PSME4: variants seen among roughly 807,000 people sequenced by gnomAD.
PSME4 encodes the protein proteasome activator complex subunit 4.
Under a neutral mutation model 253.9 loss-of-function variants are expected in PSME4, and 89 were observed. The ratio of observed to expected loss-of-function variants is 0.35; its 90% CI spans 0.30 to 0.42. PSME4 has a LOEUF of 0.42. Ranked by LOEUF, PSME4 falls within the 10% of genes least tolerant of loss-of-function variation. PSME4 has a pLI of 1.00. For missense variants in PSME4, 2,014 were observed against 2,195.2 expected (o/e 0.92, Z 1.65); for synonymous variants, 851 against 759.2 (o/e 1.12, Z -1.99).
Position 53,970,867 on chromosome 2 carries a change from T to C in PSME4, c.-83A>G. On this transcript the variant is annotated 5_prime_UTR_variant, in exon 1 of 47. Coordinates refer to ENST00000404125, the MANE Select transcript of PSME4 (RefSeq NM_014614.3). ...CTCTCCGGGCTCCGCCTCCTCCGCG[T>C]CTTCGTCGCCCTGCGGCCGCTGGCG... 1 of 1,210,874 alleles carries C rather than the reference T, an allele frequency of 8.3e-7. No individual in the cohort carries two copies. The highest frequency in any genetic ancestry group is 1.1e-6 in the Non-Finnish European group (1 of 923,604). The allele number at this position is 1,210,874 out of a possible 1,614,324, so 75.0% of individuals were successfully genotyped here. A position where few individuals can be genotyped will look rare whatever the true frequency, so the allele number is the denominator to read the frequency against.
At chr2:53,941,800 T>C (rs1204150850) in intron 3 of PSME4, among the ~76,000 whole-genome samples, 3 of 152,168 alleles carry the variant, frequency 2.0e-5, no homozygotes, top group Admixed American at 1.3e-4. Flanking sequence ...GTACTAATGC[T>C]TGTGTTCTCA....
intron 35 of PSME4, among the ~76,000 whole-genome samples, chr2:53,893,407 G>A (rs1015766423): frequency 6.6e-6 from 1 of 152,020 alleles, no homozygotes; most frequent in Non-Finnish European, 1.5e-5. Flanking sequence ...ACATCCTCCT[G>A]TATATTTTAA....
intron 3 of PSME4, among the ~76,000 whole-genome samples, chr2:53,942,481 T>C (rs1375405608): frequency 6.6e-6 from 1 of 152,042 alleles, no homozygotes; most frequent in African/African-American, 2.4e-5. Flanking sequence ...AAAGCCACAG[T>C]AGTGCATATA....
In PSME4 at chr2:53,895,054, C is replaced by T. The variant is rs1680081068; in HGVS notation, c.3865G>A (p.Val1289Met). Residue 1289 changes from valine to methionine, a missense_variant, in exon 34 of 47, where the codon GTG becomes ATG. Val to Met is a conservative substitution (Grantham distance 21). Around this residue, in one of 4 missense-constraint regions of PSME4, gnomAD observed 989 missense variants for 1,021.1 expected, o/e 0.97. Coordinates refer to ENST00000404125, the MANE Select transcript of PSME4 (RefSeq NM_014614.3). ...WPKNMVVYAG[V>M]EEQPKLGRSR... is the part of the protein sequence containing the mutation. ...CTGCCAAGCTTAGGCTGCTCTTCCA[C>T]ACCAGCATAAACAACCATATTCCTA... 2 of 1,612,472 alleles carry T rather than the reference C, an allele frequency of 1.2e-6. No homozygotes were observed. Among genetic ancestry groups the T allele is most frequent in the Non-Finnish European group, 1.7e-6 (2 of 1,179,640 alleles).
At chr2:53,949,427 T>C in intron 1 of PSME4, 144 bp from the exon 2 acceptor site, 1 of 449,214 alleles carries the variant, frequency 2.2e-6, no homozygotes, top group Admixed American at 4.2e-5. Flanking sequence ...ATGTGGCATA[T>C]ACAACACAAT....
intron 41 of PSME4, among the ~76,000 whole-genome samples, chr2:53,877,248 A>G (rs948231498): frequency 8.0e-5 from 8 of 100,606 alleles, no homozygotes; most frequent in African/African-American, 4.1e-4. Context: ...CTGCCTCTAC[A>G]AAAAAAAAAA....
chr2:53,944,213 C>G (rs1371172752), intron 3 of PSME4, among the ~76,000 whole-genome samples: 1 of 151,866 alleles, frequency 6.6e-6, no homozygotes, highest in Non-Finnish European at 1.5e-5. Context: ...GGCTGGAGTG[C>G]AGTGGGATGA....
At chr2:53,909,779 C>A (rs1012044446) in intron 21 of PSME4, among the ~76,000 whole-genome samples, 1 of 152,012 alleles carries the variant, frequency 6.6e-6, no homozygotes, top group Non-Finnish European at 1.5e-5. Context: ...CTGGCCACCA[C>A]GGTGAAACTC....
At chr2:53,955,996 G>A (rs925752493) in intron 1 of PSME4, among the ~76,000 whole-genome samples, 1 of 151,916 alleles carries the variant, frequency 6.6e-6, no homozygotes, top group Non-Finnish European at 1.5e-5. Context: ...CAGGTACAGT[G>A]GCTCACGCCT....
rs764769140 is a variant in PSME4 at position 53,923,403 on chromosome 2, A to G, written c.1826T>C (p.Val609Ala). The change falls in exon 15 of 47, where the codon GTT (valine) becomes GCT (alanine). Residue 609 changes from valine to alanine, a missense_variant. By Grantham distance (64) the Val-to-Ala change is moderately conservative. Around this residue, in one of 4 missense-constraint regions of PSME4, gnomAD observed 989 missense variants for 1,021.1 expected, o/e 0.97. Transcript: ENST00000404125. ...TATATGTGAAGTAGAAAAATTAAAA[A>G]CCTTCTGAAGGGCCACCTGTTAAGA... ...KEIFMVALQKVFNFSTSHIFE... is the reference protein window; with the variant it reads ...KEIFMVALQKAFNFSTSHIFE... The G allele has an allele frequency of 1.2e-6, 2 of 1,606,322 alleles. No homozygotes were observed. The highest frequency in any genetic ancestry group is 2.7e-5 in the African/African-American group (2 of 74,436).
chr2:53,952,461 G>T (rs1670044307), intron 1 of PSME4, among the ~76,000 whole-genome samples: 1 of 152,156 alleles, frequency 6.6e-6, no homozygotes, highest in African/African-American at 2.4e-5. Context: ...AGAATTGTTT[G>T]AACCTGGGAG....
intron 41 of PSME4, among the ~76,000 whole-genome samples, chr2:53,884,426 G>T (rs750118910): frequency 1.3e-5 from 2 of 152,158 alleles, no homozygotes; most frequent in Non-Finnish European, 2.9e-5. Context: ...GGCCAGGATG[G>T]TCTCGATCTC....
At chr2:53,943,126 A>G (rs1443228479) in intron 3 of PSME4, among the ~76,000 whole-genome samples, 3 of 152,230 alleles carry the variant, frequency 2.0e-5, no homozygotes, top group Admixed American at 2.0e-4. Context: ...AGTATAGCAA[A>G]TGATATATTC....
At chr2:53,916,570 T>A (rs1668073993) in intron 20 of PSME4, among the ~76,000 whole-genome samples, 1 of 152,228 alleles carries the variant, frequency 6.6e-6, no homozygotes, top group Admixed American at 6.5e-5. Context: ...CACCAGGCAG[T>A]ATGAATTCGT....
At chr2:53,917,691 G>A (rs527782659) in intron 20 of PSME4, among the ~76,000 whole-genome samples, 11 of 152,278 alleles carry the variant, frequency 7.2e-5, no homozygotes, top group African/African-American at 2.6e-4. Flanking sequence ...ATTTGCTGAT[G>A]TGCAAAGTTT....
chr2:53,965,951 C>A (rs1355355652), intron 1 of PSME4, among the ~76,000 whole-genome samples: 3 of 152,126 alleles, frequency 2.0e-5, no homozygotes, highest in Admixed American at 1.3e-4. Context: ...GGATTACAGG[C>A]GTGAGCCGCC....
At chr2:53,866,928 T>C (rs765140649) in intron 44 of PSME4, 48 bp from the exon 45 acceptor site, 2 of 1,553,822 alleles carry the variant, frequency 1.3e-6, no homozygotes, top group East Asian at 4.5e-5. Context: ...ATGTCTCTAA[T>C]GCACTTGTTA....
chr2:53,866,929 G>A (rs752948661), intron 44 of PSME4, 49 bp from the exon 45 acceptor site: 12 of 1,548,758 alleles, frequency 7.7e-6, no homozygotes, highest in Non-Finnish European at 1.1e-5. Flanking sequence ...TGTCTCTAAT[G>A]CACTTGTTAC....
At chr2:53,931,721 A>C in intron 10 of PSME4, 114 bp downstream of exon 10, 1 of 1,128,186 alleles carries the variant, frequency 8.9e-7, no homozygotes, top group Non-Finnish European at 1.3e-6. Flanking sequence ...TCCTCTAGGA[A>C]CAGGAATAAG....
Sources: gnomAD v4.1 joint callset for allele counts (sites outside exome capture counted in the v4.1 genomes callset) on GRCh38, gnomAD v4.1.1 for gene constraint, gnomAD v4.1.1 regional missense constraint, MANE v1.5 for transcripts, NCBI Gene and HGNC (gene_info 2026-07-23, HGNC 2026-07-21) for gene names.